Variants in CELF2 observed in about 807,000 individuals in gnomAD.
The protein encoded by CELF2 is CUG triplet repeat RNA-binding protein 2.
A neutral mutation model predicts 62.6 loss-of-function variants in CELF2; 8 were observed. The ratio of observed to expected loss-of-function variants is 0.13; its 90% confidence interval spans 0.07 to 0.23. The LOEUF (loss-of-function observed/expected upper bound fraction) is 0.23, where lower values mean the gene tolerates loss of function less well. Among genes scored for constraint, CELF2 ranks in the 10% least tolerant of loss-of-function variants. CELF2 has a pLI of 1.00. For synonymous variants in CELF2, 258 were observed against 250.0 expected (o/e 1.03, Z -0.30); for missense variants, 333 against 671.0 (o/e 0.50, Z 5.56).
the CELF2 span, among the ~76,000 whole-genome samples, chr10:10,529,518 T>C: frequency 6.6e-6 from 1 of 151,920 alleles, no homozygotes; most frequent in Non-Finnish European, 1.5e-5. Context: ...ACCCCACCTC[T>C]ACTAAAAATA....
chr10:10,575,085 A>C, the CELF2 span, among the ~76,000 whole-genome samples: 2 of 152,022 alleles, frequency 1.3e-5, no homozygotes, highest in Non-Finnish European at 2.9e-5. Context: ...TGCTAAGTAT[A>C]CCTAATAACG....
At position 11,314,617 on chromosome 10, in the gene CELF2, G is replaced by A. The variant is rs1348394530; in HGVS notation, c.1096+359G>A. On this transcript the variant is annotated intron_variant, in intron 10 of 12. Transcript: ENST00000633077. This position sits in a 1 kb window ranked among gnomAD's most constrained non-coding sequence, Gnocchi z 5.3. ...TACGGTGGGAAAAGTTAATGGACTG[G>A]AAGGCTGGAAGCCTGAACCCAGCTC... 2.8e-6 allele frequency: 1 copy of A among 351,226 alleles called. No homozygotes were observed. The highest frequency in any genetic ancestry group is 2.1e-5 in the African/African-American group (1 of 46,824). 21.8% of individuals were successfully genotyped at this position (351,226 alleles called of 1,614,324 possible). A position where few individuals can be genotyped will look rare whatever the true frequency, so the allele number is the denominator to read the frequency against.
chr10:10,948,072 T>C (rs1267727625), intron 2 of CELF2, among the ~76,000 whole-genome samples: 1 of 152,180 alleles, frequency 6.6e-6, no homozygotes, highest in African/African-American at 2.4e-5. Context: ...CTCTGTATTT[T>C]GCCAGAAACC....
At chr10:11,072,808 C>G (rs1446300046) in intron 1 of CELF2, among the ~76,000 whole-genome samples, 1 of 146,096 alleles carries the variant, frequency 6.8e-6, no homozygotes, top group Non-Finnish European at 1.5e-5. Flanking sequence ...TAGGTGAATC[C>G]TGATTTCCCT....
intron 1 of CELF2, among the ~76,000 whole-genome samples, chr10:10,824,313 T>C (rs1177450050): frequency 6.6e-6 from 1 of 152,202 alleles, no homozygotes; most frequent in Non-Finnish European, 1.5e-5. Flanking sequence ...ATGTATTTAT[T>C]TATTTGGCCA....
intron 9 of CELF2, among the ~76,000 whole-genome samples, chr10:11,310,740 A>G (rs560096105): frequency 2.0e-5 from 3 of 151,990 alleles, no homozygotes; most frequent in African/African-American, 4.8e-5. Flanking sequence ...TGCAGTCCCT[A>G]GAAAATACCC....
intron 1 of CELF2, among the ~76,000 whole-genome samples, chr10:10,828,619 T>A (rs2057601405): frequency 6.6e-6 from 1 of 152,226 alleles, no homozygotes; most frequent in South Asian, 2.1e-4. Context: ...GATACTAAAC[T>A]ATGCACTTCA....
intron 1 of CELF2, among the ~76,000 whole-genome samples, chr10:10,916,491 C>G (rs1364796045): frequency 6.6e-6 from 1 of 152,220 alleles, no homozygotes; most frequent in Admixed American, 6.5e-5. Context: ...TCCCCAGCAT[C>G]TATCTTTTGC....
intron 2 of CELF2, chr10:10,927,356 A>AACAAAAC (rs1564832589): frequency 2.0e-5 from 3 of 150,252 alleles, no homozygotes; most frequent in African/African-American, 7.4e-5. Flanking sequence ...TAAAAAAAAA[A>AACAAAAC]AAAAAAAAAA....
chr10:10,922,099 G>A (rs1345786629), intron 2 of CELF2, among the ~76,000 whole-genome samples: 1 of 142,488 alleles, frequency 7.0e-6, no homozygotes, highest in East Asian at 2.4e-4. Flanking sequence ...TTTGCTTATA[G>A]GATCAAGATT....
At chr10:10,766,908 C>G in the CELF2 span, among the ~76,000 whole-genome samples, 2 of 152,202 alleles carry the variant, frequency 1.3e-5, no homozygotes, top group Non-Finnish European at 1.5e-5. Flanking sequence ...CAATCTTTCT[C>G]CTTCTAAGCC....
At chr10:10,540,322 C>T in the CELF2 span, among the ~76,000 whole-genome samples, 1 of 152,180 alleles carries the variant, frequency 6.6e-6, no homozygotes, top group Admixed American at 6.5e-5. Context: ...GCTCCTAGCA[C>T]CCTCATTACC....
rs1249160770 is a variant in CELF2 at position 10,947,299 on chromosome 10, T to C, written c.89+27300T>C. 1 of 152,604 alleles carries C rather than the reference T, an allele frequency of 6.6e-6. No individual in the cohort carries two copies. Among genetic ancestry groups the C allele is most frequent in the Non-Finnish European group, 1.5e-5 (1 of 68,048 alleles). The allele number at this position is 152,604 out of a possible 1,614,324, so 9.5% of individuals were successfully genotyped here. On this transcript the variant is annotated intron_variant, in intron 2 of 13. Coordinates refer to the CELF2 transcript ENST00000636488. The surrounding 1 kb of genome is among the most constrained non-coding windows in gnomAD (Gnocchi z 4.1). Reference sequence around the variant, plus strand: ...CATTTCTCTGGCCATCCTGAGCACATTTTTTCCTGGAGATTTAGAGCTGAT... The same window carrying C: ...CATTTCTCTGGCCATCCTGAGCACACTTTTTCCTGGAGATTTAGAGCTGAT...
upstream of CELF2, among the ~76,000 whole-genome samples, chr10:11,015,531 A>G (rs546794924): frequency 6.6e-6 from 1 of 152,308 alleles, no homozygotes; most frequent in East Asian, 1.9e-4. The surrounding 1 kb of genome is among the most constrained non-coding windows in gnomAD (Gnocchi z 4.8). Flanking sequence ...GCACCCCATA[A>G]GCTCTCCTCG....
intron 2 of CELF2, among the ~76,000 whole-genome samples, chr10:11,169,954 A>G (rs2068331329): frequency 2.0e-5 from 3 of 152,330 alleles, no homozygotes; most frequent in South Asian, 2.1e-4. Flanking sequence ...AGAAGAGTCA[A>G]GAAGGATGCA....
intron 1 of CELF2, among the ~76,000 whole-genome samples, chr10:11,028,628 C>A (rs921162740): frequency 3.3e-5 from 5 of 151,500 alleles, no homozygotes; most frequent in African/African-American, 1.2e-4. Context: ...ACCATGTTGG[C>A]CAGGCTGGTC....
chr10:10,646,383 A>C, the CELF2 span, among the ~76,000 whole-genome samples: 1 of 152,230 alleles, frequency 6.6e-6, no homozygotes, highest in Non-Finnish European at 1.5e-5. Context: ...ATTGATGCTC[A>C]TCCACAAATC....
At chr10:11,102,934 C>T (rs961337016) in intron 1 of CELF2, among the ~76,000 whole-genome samples, 2 of 152,158 alleles carry the variant, frequency 1.3e-5, no homozygotes, top group Non-Finnish European at 2.9e-5. Context: ...TTCTCCCTTG[C>T]ACAGTTGGAA....
At chr10:10,808,050 G>A (rs1274131108) in intron 1 of CELF2, among the ~76,000 whole-genome samples, 1 of 152,180 alleles carries the variant, frequency 6.6e-6, no homozygotes, top group African/African-American at 2.4e-5. Context: ...ACTATTTCTG[G>A]ATGACAAAAT....
Sources: allele counts gnomAD v4.1 joint callset (sites outside exome capture counted in the v4.1 genomes callset), GRCh38; gene constraint gnomAD v4.1.1; non-coding constraint Gnocchi (gnomAD v3.1); transcripts MANE v1.5; gene names NCBI Gene and HGNC (gene_info 2026-07-23, HGNC 2026-07-21).